Variants in SPATA45 observed in about 807,000 individuals in gnomAD.
SPATA45 encodes spermatogenesis associated 45.
In SPATA45, 5 loss-of-function variants were observed where a neutral mutation model predicts 7.0. The observed-to-expected ratio is 0.71, with a 90% CI of 0.37 to 1.50. SPATA45 has a LOEUF of 1.50. Among genes scored for constraint, SPATA45 ranks in the 40% most tolerant of loss-of-function variants. The pLI, the probability that SPATA45 is intolerant of heterozygous loss-of-function variation, is 0.03. For synonymous variants in SPATA45, 40 were observed against 38.7 expected (o/e 1.03, Z -0.13); for missense variants, 111 against 114.9 (o/e 0.97, Z 0.16).
In SPATA45 at chr1:212,835,981, A is replaced by G. The variant is rs1289256368; in HGVS notation, c.169T>C (p.Ser57Pro). 6.2e-7 allele frequency: 1 copy of G among 1,610,706 alleles called. No individual in the cohort carries two copies. Among genetic ancestry groups the G allele is most frequent in the Non-Finnish European group, 8.5e-7 (1 of 1,177,440 alleles). ...QKRHFPDAYQ[S>P]FTDTTTKEPV... ...TCTTTGGTTGTGGTATCAGTAAAGG[A>G]CTGATAGGCATCCGGGAAGTGCCTC... The change falls in exon 2 of 3, where the codon TCC becomes CCC. Residue 57 changes from serine (S) to proline (P), a missense_variant. Coordinates refer to ENST00000332912, the MANE Select transcript of SPATA45 (RefSeq NM_001024601.3).
intron 2 of SPATA45, among the ~76,000 whole-genome samples, chr1:212,831,579 G>GC (rs1379964622): frequency 4.0e-5 from 6 of 150,650 alleles, no homozygotes; most frequent in Non-Finnish European, 5.9e-5. Context: ...TAAATAAACT[G>GC]CCCCCCTTTT....
chr1:212,842,733 G>A (rs1321228382), intron 1 of SPATA45, among the ~76,000 whole-genome samples: 8 of 152,120 alleles, frequency 5.3e-5, no homozygotes, highest in Non-Finnish European at 1.2e-4. Context: ...AACACTTTGG[G>A]AGGCCTAGGC....
rs1210848390 is a variant in SPATA45 at position 212,832,734 on chromosome 1, GATT to G, written c.278-2476_278-2474del. 1.3e-5 allele frequency among the ~76,000 whole-genome samples: 2 copies of G among 151,490 alleles called. 1 individual carries two copies. The highest frequency in any genetic ancestry group is 3.0e-5 in the Non-Finnish European group (2 of 67,714). ...ATTATTACCCTCCTGCATTTCTAAA[GATT>G]ATTCCACAGCAACCAACTAAGGTTG... On this transcript the variant is annotated intron_variant, in intron 2 of 2. Transcript: ENST00000332912.
At chr1:212,844,725 G>A (rs1571994362) in intron 1 of SPATA45, among the ~76,000 whole-genome samples, 1 of 152,064 alleles carries the variant, frequency 6.6e-6, no homozygotes, top group Non-Finnish European at 1.5e-5. Flanking sequence ...CTCTAAATAT[G>A]CCTTCCATAT....
intron 1 of SPATA45, among the ~76,000 whole-genome samples, chr1:212,841,648 T>C (rs1171753181): frequency 6.7e-6 from 1 of 149,734 alleles, no homozygotes; most frequent in East Asian, 1.9e-4. Context: ...TTTTTTTTTT[T>C]TTTCTTTTAA....
At chr1:212,842,024 T>C (rs1571993136) in intron 1 of SPATA45, among the ~76,000 whole-genome samples, 1 of 150,588 alleles carries the variant, frequency 6.6e-6, no homozygotes, top group African/African-American at 2.4e-5. Context: ...GCCTCCCAAA[T>C]TGCTGGGATT....
chr1:212,840,364 C>G (rs1237044054), intron 1 of SPATA45, among the ~76,000 whole-genome samples: 4 of 152,166 alleles, frequency 2.6e-5, no homozygotes, highest in Non-Finnish European at 4.4e-5. Flanking sequence ...GAGCGGAGAT[C>G]GTTCCATTGC....
At chr1:212,831,977 C>CTTACCCA (rs1277054212) in intron 2 of SPATA45, among the ~76,000 whole-genome samples, 1 of 146,344 alleles carries the variant, frequency 6.8e-6, no homozygotes, top group East Asian at 2.0e-4. Context: ...CCCCATAGCT[C>CTTACCCA]TTACCCATTT....
chr1:212,831,765 A>G (rs1258139952), intron 2 of SPATA45, among the ~76,000 whole-genome samples: 1 of 150,910 alleles, frequency 6.6e-6, no homozygotes, highest in Non-Finnish European at 1.5e-5. Flanking sequence ...AGGCCTCCCC[A>G]CCAGGTTAGA....
chr1:212,842,552 T>A (rs146486269), intron 1 of SPATA45, among the ~76,000 whole-genome samples: 1 of 152,320 alleles, frequency 6.6e-6, no homozygotes, highest in Non-Finnish European at 1.5e-5. Flanking sequence ...TAGAGTCTAG[T>A]GGTACAAGCA....
At chr1:212,844,764 G>T (rs1424403077) in intron 1 of SPATA45, among the ~76,000 whole-genome samples, 1 of 152,148 alleles carries the variant, frequency 6.6e-6, no homozygotes, top group African/African-American at 2.4e-5. Context: ...TATATGGGCT[G>T]AAAGAGGTTT....
intron 1 of SPATA45, among the ~76,000 whole-genome samples, chr1:212,839,977 C>T (rs1181905832): frequency 1.3e-5 from 2 of 151,608 alleles, no homozygotes; most frequent in African/African-American, 4.8e-5. Context: ...ATATTACTTA[C>T]AAGTTTTGAT....
At chr1:212,843,655 C>A (rs1663735823) in intron 1 of SPATA45, among the ~76,000 whole-genome samples, 1 of 152,176 alleles carries the variant, frequency 6.6e-6, no homozygotes, top group Admixed American at 6.6e-5. Context: ...CCCTTCTGAG[C>A]AAAGGGCCCT....
intron 1 of SPATA45, among the ~76,000 whole-genome samples, chr1:212,843,847 G>T (rs911280078): frequency 6.6e-6 from 1 of 152,160 alleles, no homozygotes; most frequent in East Asian, 1.9e-4. Flanking sequence ...GTTAGTTCAG[G>T]ATCTGTGCCT....
intron 1 of SPATA45, among the ~76,000 whole-genome samples, chr1:212,845,629 T>C (rs886436062): frequency 5.9e-5 from 9 of 152,168 alleles, no homozygotes; most frequent in African/African-American, 1.2e-4. Flanking sequence ...AAGATCTTCA[T>C]TGACAAAGTA....
intron 2 of SPATA45, among the ~76,000 whole-genome samples, chr1:212,832,556 C>T (rs758463537): frequency 1.3e-5 from 2 of 151,060 alleles, no homozygotes; most frequent in African/African-American, 4.8e-5. Flanking sequence ...TTGACAAGCA[C>T]GTAGAAGAGT....
At chr1:212,840,641 C>G (rs1370990646) in intron 1 of SPATA45, among the ~76,000 whole-genome samples, 2 of 151,452 alleles carry the variant, frequency 1.3e-5, no homozygotes, top group Non-Finnish European at 2.9e-5. Flanking sequence ...GTTTTGAGAC[C>G]GAATCTCGCT....
At chr1:212,830,819 T>G (rs1663473137) in intron 2 of SPATA45, among the ~76,000 whole-genome samples, 1 of 150,406 alleles carries the variant, frequency 6.6e-6, no homozygotes, top group Non-Finnish European at 1.5e-5. Flanking sequence ...CCATCTCTAC[T>G]AAAAAGACAA....
At chr1:212,838,949 T>C (rs891017347) in intron 1 of SPATA45, among the ~76,000 whole-genome samples, 3 of 151,176 alleles carry the variant, frequency 2.0e-5, no homozygotes, top group African/African-American at 7.3e-5. Context: ...GGGATCCTCC[T>C]GCCTTGGCCT....
Sources: allele counts gnomAD v4.1 joint callset (sites outside exome capture counted in the v4.1 genomes callset), GRCh38; gene constraint gnomAD v4.1.1; transcripts MANE v1.5; gene names NCBI Gene and HGNC (gene_info 2026-07-23, HGNC 2026-07-21).